ZPBP: variants seen among roughly 807,000 people sequenced by gnomAD.
ZPBP encodes zona pellucida binding protein.
In ZPBP, 26 loss-of-function variants were observed where a neutral mutation model predicts 44.8. The ratio of observed to expected loss-of-function variants is 0.58; its 90% CI spans 0.43 to 0.81. ZPBP has a LOEUF of 0.81. Among genes scored for constraint, ZPBP ranks in the 30% least tolerant of loss-of-function variants. The pLI, the probability that ZPBP is intolerant of heterozygous loss-of-function variation, is 0.00. For missense variants in ZPBP, 409 were observed against 434.0 expected (o/e 0.94, Z 0.51); for synonymous variants, 174 against 153.2 (o/e 1.14, Z -1.00).
intron 2 of ZPBP, among the ~76,000 whole-genome samples, chr7:50,083,089 C>A (rs1248977853): frequency 1.3e-5 from 2 of 151,770 alleles, no homozygotes; most frequent in African/African-American, 2.4e-5. Flanking sequence ...TAAGTATATC[C>A]TTTGTGCTTT....
intron 4 of ZPBP, among the ~76,000 whole-genome samples, chr7:50,052,191 C>T (rs1239530059): frequency 6.6e-6 from 1 of 151,556 alleles, no homozygotes; most frequent in African/African-American, 2.4e-5. Context: ...AATATATATC[C>T]AACAAAGAAA....
intron 2 of ZPBP, among the ~76,000 whole-genome samples, chr7:49,875,655 C>A (rs556440903): frequency 1.3e-5 from 2 of 151,968 alleles, no homozygotes; most frequent in Non-Finnish European, 2.9e-5. Flanking sequence ...GGTCACTTTG[C>A]CCCACTGACT....
chr7:50,089,530 C>T, intron 2 of ZPBP, 99 bp downstream of exon 2: 1 of 907,522 alleles, frequency 1.1e-6, no homozygotes, highest in South Asian at 1.5e-5. Context: ...CCTTAGGAGA[C>T]TAGGATAAAT....
At chr7:49,882,162 T>C (rs1336481409) in intron 2 of ZPBP, among the ~76,000 whole-genome samples, 1 of 152,154 alleles carries the variant, frequency 6.6e-6, no homozygotes, top group Non-Finnish European at 1.5e-5. Flanking sequence ...AATCAATATT[T>C]GTTCTCTTCT....
chr7:49,985,584 T>C (rs1797228022), intron 6 of ZPBP, among the ~76,000 whole-genome samples: 1 of 150,524 alleles, frequency 6.6e-6, no homozygotes, highest in East Asian at 1.9e-4. Flanking sequence ...GGAGACACAT[T>C]CCTAATCACT....
intron 2 of ZPBP, among the ~76,000 whole-genome samples, chr7:49,900,321 C>A (rs1792646898): frequency 6.6e-6 from 1 of 151,310 alleles, no homozygotes; most frequent in Admixed American, 6.6e-5. Flanking sequence ...ATAAATGGAG[C>A]AGTAATCTAT....
intron 1 of ZPBP, among the ~76,000 whole-genome samples, chr7:49,909,359 CA>C (rs11336511): frequency 0.77 from 116,335 of 152,028 alleles, 44,696 homozygotes; most frequent in East Asian, 0.89. Flanking sequence ...CAGCTCGAGC[CA>C]AAATATGAGT....
intron 1 of ZPBP, among the ~76,000 whole-genome samples, chr7:49,909,307 T>C (rs1267568002): frequency 6.6e-6 from 1 of 152,016 alleles, no homozygotes; most frequent in African/African-American, 2.4e-5. Context: ...CAAATTTACC[T>C]CTGCAAAAAA....
chr7:49,876,366 A>G (rs987310630), intron 2 of ZPBP, among the ~76,000 whole-genome samples: 61 of 152,156 alleles, frequency 4.0e-4, no homozygotes, highest in African/African-American at 1.3e-3. Context: ...GTGGTTGACA[A>G]GACTGGCCAA....
In ZPBP at chr7:50,007,363, C is replaced by T. The variant is rs973497243; in HGVS notation, c.783+10877G>A. Among the ~76,000 whole-genome samples the T allele has an allele frequency of 6.1e-4, 92 of 151,916 alleles. 1 individual carries two copies. Among genetic ancestry groups the T allele is most frequent in the African/African-American group, 2.1e-3 (88 of 41,322 alleles). On this transcript the variant is annotated intron_variant, in intron 6 of 7. Coordinates refer to ENST00000046087, the MANE Select transcript of ZPBP (RefSeq NM_007009.3). ...TGAAGAAACAGAAAGCCTGAGTAGA[C>T]CTGTAACTAGTAAGGAAATTGAATC...
chr7:49,851,750 T>C (rs1424610907), intron 2 of ZPBP, among the ~76,000 whole-genome samples: 1 of 151,898 alleles, frequency 6.6e-6, no homozygotes, highest in East Asian at 1.9e-4. Flanking sequence ...CCCAGCTACT[T>C]GGGAGGCTGA....
At chr7:49,929,366 C>T (rs1292519008) in intron 1 of ZPBP, among the ~76,000 whole-genome samples, 1 of 152,204 alleles carries the variant, frequency 6.6e-6, no homozygotes, top group African/African-American at 2.4e-5. Context: ...CAAAAGAGAA[C>T]TGTCCTGCCC....
chr7:50,074,881 G>C (rs1394436219), intron 3 of ZPBP, among the ~76,000 whole-genome samples: 1 of 151,480 alleles, frequency 6.6e-6, no homozygotes, highest in Non-Finnish European at 1.5e-5. Context: ...AGATCAACAA[G>C]GAAACATCAG....
intron 6 of ZPBP, among the ~76,000 whole-genome samples, chr7:49,988,309 A>C (rs1025862998): frequency 6.6e-6 from 1 of 152,150 alleles, no homozygotes; most frequent in Non-Finnish European, 1.5e-5. Flanking sequence ...CCTCAAATCA[A>C]ACCTCAGTTT....
intron 7 of ZPBP, among the ~76,000 whole-genome samples, chr7:49,967,526 A>ATTTAT (rs747466132): frequency 2.1e-4 from 32 of 151,908 alleles, no homozygotes; most frequent in East Asian, 9.7e-4. Context: ...ATGGGATGAG[A>ATTTAT]TTTATTTTAT....
At chr7:49,933,512 G>T (rs1417326245), downstream of ZPBP, among the ~76,000 whole-genome samples, 1 of 152,194 alleles carries the variant, frequency 6.6e-6, no homozygotes, top group African/African-American at 2.4e-5. Context: ...CAGGGATCTA[G>T]AACTAGAAAT....
intron 3 of ZPBP, among the ~76,000 whole-genome samples, chr7:50,079,608 G>C (rs1055943520): frequency 6.6e-6 from 1 of 151,598 alleles, no homozygotes; most frequent in South Asian, 2.1e-4. Flanking sequence ...TCAGTTATAA[G>C]ATGAATAAGT....
downstream of ZPBP, among the ~76,000 whole-genome samples, chr7:49,846,452 C>T (rs1789949460): frequency 6.6e-6 from 1 of 152,070 alleles, no homozygotes; most frequent in Admixed American, 6.6e-5. Flanking sequence ...TAAAGTTCTC[C>T]CTCACTTCCA....
At chr7:50,058,340 C>G (rs1209205589) in intron 3 of ZPBP, among the ~76,000 whole-genome samples, 199 bp from the exon 4 acceptor site, 2 of 152,142 alleles carry the variant, frequency 1.3e-5, no homozygotes, top group Non-Finnish European at 2.9e-5. Flanking sequence ...GTTCACTAAT[C>G]AGAGTTCATC....
Sources: allele counts gnomAD v4.1 joint callset (sites outside exome capture counted in the v4.1 genomes callset), GRCh38; gene constraint gnomAD v4.1.1; transcripts MANE v1.5; gene names NCBI Gene and HGNC (gene_info 2026-07-23, HGNC 2026-07-21).